Variants in MGAM2 observed in about 807,000 individuals in gnomAD.
MGAM2 encodes the protein maltase-glucoamylase 2 (putative), also known as probable maltase-glucoamylase 2.
A neutral mutation model predicts 96.1 loss-of-function variants in MGAM2; 98 were observed. The ratio of observed to expected loss-of-function variants is 1.02; its 90% CI spans 0.87 to 1.21. MGAM2 has a LOEUF of 1.21. Ranked by LOEUF, MGAM2 falls within the 50% of genes most tolerant of loss-of-function variation. The pLI is 0.00. For synonymous variants in MGAM2, 749 were observed against 414.8 expected (o/e 1.81, Z -9.79); for missense variants, 2,055 against 1,182.4 (o/e 1.74, Z -10.82).
intron 32 of MGAM2, among the ~76,000 whole-genome samples, chr7:142,179,724 G>A (rs554652370): frequency 4.7e-4 from 71 of 152,200 alleles, no homozygotes; most frequent in African/African-American, 1.6e-3. Context: ...ACTTGAACAT[G>A]GTCAGTTAAC....
At chr7:142,130,864 A>T in intron 3 of MGAM2, 84 bp from the exon 4 acceptor site, 2 of 643,632 alleles carry the variant, frequency 3.1e-6, no homozygotes, top group South Asian at 3.4e-5. Flanking sequence ...TTCTCCTTGG[A>T]ATAAAATGGG....
intron 3 of MGAM2, among the ~76,000 whole-genome samples, chr7:142,123,390 A>G (rs912031964): frequency 6.6e-6 from 1 of 152,072 alleles, no homozygotes; most frequent in African/African-American, 2.4e-5. Context: ...CTGCAAAATC[A>G]TTTTTCAAAG....
chr7:142,206,926 T>A (rs1384203830), intron 45 of MGAM2, among the ~76,000 whole-genome samples: 1 of 152,204 alleles, frequency 6.6e-6, no homozygotes, highest in Non-Finnish European at 1.5e-5. Flanking sequence ...TTCTTTACAA[T>A]TTTTTTATTA....
At chr7:142,169,071 A>G (rs1185146194) in intron 26 of MGAM2, among the ~76,000 whole-genome samples, 1 of 152,170 alleles carries the variant, frequency 6.6e-6, no homozygotes, top group Non-Finnish European at 1.5e-5. Context: ...CTGCGTTCCT[A>G]ACAAGCTCCC....
At chr7:142,209,580 A>G (rs1797515286) in intron 46 of MGAM2, among the ~76,000 whole-genome samples, 2 of 152,212 alleles carry the variant, frequency 1.3e-5, no homozygotes, top group Admixed American at 1.3e-4. Context: ...GTAATATAGC[A>G]CAAATCTATT....
In MGAM2 at chr7:142,140,936, A is replaced by G; in HGVS notation, c.1218+3A>G. 1 of 702,378 alleles carries G rather than the reference A, an allele frequency of 1.4e-6. No homozygotes were observed. Among genetic ancestry groups the G allele is most frequent in the Non-Finnish European group, 2.6e-6 (1 of 384,832 alleles). 43.5% of individuals were successfully genotyped at this position (702,378 alleles called of 1,614,324 possible). A position where few individuals can be genotyped will look rare whatever the true frequency, so the allele number is the denominator to read the frequency against. ...GACAGAAATATCTTATTATTATGGT[A>G]TGTTCAAACACTTGTTACCTTATTT... On this transcript the variant is annotated splice_donor_region_variant and intron_variant, in intron 11 of 47. Transcript: ENST00000477922.
At chr7:142,127,428 GGTT>G (rs568095036) in intron 3 of MGAM2, among the ~76,000 whole-genome samples, 23 of 151,220 alleles carry the variant, frequency 1.5e-4, no homozygotes, top group Non-Finnish European at 3.1e-4. Context: ...ACTTCTCTTT[GGTT>G]GTTTTCTTTT....
intron 32 of MGAM2, among the ~76,000 whole-genome samples, chr7:142,179,553 G>T (rs536038134): frequency 6.6e-6 from 1 of 152,070 alleles, no homozygotes; most frequent in Non-Finnish European, 1.5e-5. Context: ...TTTCTTAAGG[G>T]TTTTATCATG....
chr7:142,211,929 G>A (rs755639272), intron 46 of MGAM2, among the ~76,000 whole-genome samples: 3 of 152,162 alleles, frequency 2.0e-5, no homozygotes, highest in African/African-American at 4.8e-5. Context: ...AAATGTTAAG[G>A]TCAGCCAGAG....
At chr7:142,138,706 T>A (rs1461233183) in intron 10 of MGAM2, 39 bp downstream of exon 10, 1 of 671,018 alleles carries the variant, frequency 1.5e-6, no homozygotes, top group Admixed American at 2.3e-5. Flanking sequence ...TTGACACCAA[T>A]TCCCATTTTT....
At position 142,116,198 on chromosome 7, in the gene MGAM2, C is replaced by T. The variant is rs572444000; in HGVS notation, c.1-676C>T. 9.9e-5 allele frequency among the ~76,000 whole-genome samples: 15 copies of T among 152,162 alleles called. 1 individual carries two copies. The highest frequency in any genetic ancestry group is 3.4e-4 in the African/African-American group (14 of 41,502). ...AGAAAATCAGGACAAGAATTCAACC[C>T]CTTTGATTCCCAGTTCAGTACATCC... On this transcript the variant is annotated intron_variant, in intron 1 of 47. Coordinates refer to ENST00000477922, the MANE Select transcript of MGAM2 (RefSeq NM_001293626.2).
At position 142,160,856 on chromosome 7, in the gene MGAM2, C is replaced by A. The variant is rs370513553; in HGVS notation, c.2346-269C>A. Among the ~76,000 whole-genome samples, 122 of 152,184 alleles carry A rather than the reference C, an allele frequency of 8.0e-4. 3 individuals are homozygous for A. In the South Asian group the frequency reaches 0.023, roughly 29 times the overall value. The stretch of plus-strand genomic sequence containing the variant: ...AAGAGTGCCTGGCACATGGTAAACA[C>A]CTAATGAGGCTAATTGTTGGTATTA... On this transcript the variant is annotated intron_variant, in intron 21 of 47. Coordinates refer to ENST00000477922, the MANE Select transcript of MGAM2 (RefSeq NM_001293626.2).
At position 142,149,177 on chromosome 7, in the gene MGAM2, C is replaced by T. The variant is rs532626732; in HGVS notation, c.1634+1604C>T. ...CCGGGAGACGGAGGTTGCAGTGAGC[C>T]GAGATCACGCTATTGCACTCCAGCC... On this transcript the variant is annotated intron_variant, in intron 15 of 47. Transcript: ENST00000477922. Among the ~76,000 whole-genome samples the T allele has an allele frequency of 3.0e-4, 45 of 151,614 alleles. 1 individual carries two copies. In the East Asian group the frequency reaches 7.1e-3, roughly 24 times the overall value.
chr7:142,140,478 CAACCATTTA>C (rs774884917), intron 10 of MGAM2, among the ~76,000 whole-genome samples: 28 of 152,278 alleles, frequency 1.8e-4, no homozygotes, highest in African/African-American at 6.0e-4. Context: ...TTCATTCAAA[CAACCATTTA>C]AAGAGCGTCT....
rs1311143695 is a variant in MGAM2, at chr7:142,170,237, C to G, written c.3182+8C>G. 2 of 700,152 alleles carry G rather than the reference C, an allele frequency of 2.9e-6. No homozygotes were observed. The highest frequency in any genetic ancestry group is 5.2e-6 in the Non-Finnish European group (2 of 383,864). The allele number at this position is 700,152 out of a possible 1,614,324, so 43.4% of individuals were successfully genotyped here. On this transcript the variant is annotated splice_region_variant and intron_variant, in intron 27 of 47. Coordinates refer to ENST00000477922, the MANE Select transcript of MGAM2 (RefSeq NM_001293626.2). ...AAACTCCAGCACTGTGATGTAAGCACTATTTATTTGATTCTAATTAGAGTA... is the reference window on the plus strand; with the variant it reads ...AAACTCCAGCACTGTGATGTAAGCAGTATTTATTTGATTCTAATTAGAGTA...
In MGAM2 at chr7:142,145,750, G is replaced by A. The variant is rs568000495; in HGVS notation, c.1516+805G>A. 6.0e-5 allele frequency among the ~76,000 whole-genome samples: 9 copies of A among 151,164 alleles called. No individual in the cohort carries two copies. In the East Asian group the frequency reaches 1.0e-3, roughly 17 times the overall value. ...GACCTTTGTTTCTGGCTTCCTGGGT[G>A]AGGGAGAGAGAGGGTGGAGAAGATT... is the stretch of plus-strand genomic sequence containing the variant. On this transcript the variant is annotated intron_variant, in intron 14 of 47. Coordinates refer to ENST00000477922, the MANE Select transcript of MGAM2 (RefSeq NM_001293626.2).
Position 142,131,510 on chromosome 7 carries a change from A to G in MGAM2, c.311-8A>G, listed in dbSNP as rs1794888492. 1 of 701,894 alleles carries G rather than the reference A, an allele frequency of 1.4e-6. No individual in the cohort carries two copies. The highest frequency in any genetic ancestry group is 1.5e-5 in the South Asian group (1 of 67,450). 43.5% of individuals were successfully genotyped at this position (701,894 alleles called of 1,614,324 possible). ...CTTTTCTCTCTCTCCATATCTTGCC[A>G]CCCCTAGGATTTACTGCCCAGTTGA... On this transcript the variant is annotated splice_region_variant and splice_polypyrimidine_tract_variant and intron_variant, in intron 4 of 47. Coordinates refer to ENST00000477922, the MANE Select transcript of MGAM2 (RefSeq NM_001293626.2).
intron 32 of MGAM2, among the ~76,000 whole-genome samples, chr7:142,182,555 C>T (rs898822954): frequency 3.9e-5 from 6 of 152,180 alleles, no homozygotes; most frequent in East Asian, 3.9e-4. Flanking sequence ...TTCTCGTCTC[C>T]GCACAGGCTT....
chr7:142,145,146 G>T (rs1245410189), intron 14 of MGAM2, among the ~76,000 whole-genome samples: 4 of 152,156 alleles, frequency 2.6e-5, no homozygotes, highest in Admixed American at 1.3e-4. Context: ...GGGCAAGCAT[G>T]TGACAAAGTC....
Sources: gnomAD v4.1 joint callset for allele counts (sites outside exome capture counted in the v4.1 genomes callset) on GRCh38, gnomAD v4.1.1 for gene constraint, MANE v1.5 for transcripts, NCBI Gene and HGNC (gene_info 2026-07-23, HGNC 2026-07-21) for gene names.